ALS2: variants seen among roughly 807,000 people sequenced by gnomAD.
ALS2 encodes the protein alsin.
Under a neutral mutation model 203.4 loss-of-function variants are expected in ALS2, and 117 were observed. The observed-to-expected ratio is 0.58, with a 90% CI of 0.50 to 0.67. The LOEUF (loss-of-function observed/expected upper bound fraction) is 0.67, where lower values mean the gene tolerates loss of function less well. ALS2 is among the 30% of genes least tolerant of loss of function. The pLI, the probability that ALS2 is intolerant of heterozygous loss-of-function variation, is 0.00. For missense variants in ALS2, 1,715 were observed against 1,989.4 expected, an observed-to-expected ratio of 0.86 and a Z score of 2.62; for synonymous variants, 718 against 725.9, an observed-to-expected ratio of 0.99 and a Z score of 0.17.
intron 23 of ALS2, among the ~76,000 whole-genome samples, chr2:201,721,181 T>C (rs1434864299): frequency 6.6e-6 from 1 of 152,166 alleles, no homozygotes; most frequent in Non-Finnish European, 1.5e-5. Context: ...GTAAATAAAC[T>C]GTGAGGTGTT....
At chr2:201,775,011 C>T (rs1694591126) in intron 1 of ALS2, among the ~76,000 whole-genome samples, 1 of 152,162 alleles carries the variant, frequency 6.6e-6, no homozygotes, top group Admixed American at 6.5e-5. Flanking sequence ...ACTAGCAAAA[C>T]TGGGCCTTCC....
In ALS2 at chr2:201,768,891, AG is replaced by A. The variant is rs761978180; in HGVS notation, c.-7del. The A allele has an allele frequency of 6.2e-7, 1 of 1,613,470 alleles. No individual in the cohort carries two copies. Among genetic ancestry groups the A allele is most frequent in the Non-Finnish European group, 8.5e-7 (1 of 1,179,538 alleles). ...CTTCTCTTCTTTGAGTCCATCGGTC[AG>A]TGGGAACACTCCATCACCAAATCAT... On this transcript the variant is annotated 5_prime_UTR_variant, in exon 2 of 34. In the 5' UTR this introduces an upstream ATG that the reference lacks. Transcript: ENST00000264276.
At chr2:201,748,430 A>G (rs1204172108) in intron 8 of ALS2, among the ~76,000 whole-genome samples, 1 of 152,194 alleles carries the variant, frequency 6.6e-6, no homozygotes, top group Non-Finnish European at 1.5e-5. Context: ...GACTTCAAAA[A>G]TGTTTTTCTC....
chr2:201,705,289 G>C, intron 30 of ALS2, 89 bp from the exon 31 acceptor site: 1 of 1,473,020 alleles, frequency 6.8e-7, no homozygotes, highest in Non-Finnish European at 9.5e-7. Context: ...GCAGGTCTTT[G>C]GTAATAACAG....
chr2:201,729,318 A>G (rs1691397019), intron 13 of ALS2, 135 bp from the exon 14 acceptor site: 2 of 865,096 alleles, frequency 2.3e-6, no homozygotes, highest in African/African-American at 1.7e-5. Context: ...TAAGTAGCAC[A>G]CTGCAGGAGA....
intron 33 of ALS2, among the ~76,000 whole-genome samples, chr2:201,702,562 A>G (rs1689458329): frequency 6.6e-6 from 1 of 152,216 alleles, no homozygotes; most frequent in Non-Finnish European, 1.5e-5. Flanking sequence ...GGGAATAATA[A>G]TGACTTCACT....
intron 24 of ALS2, 49 bp downstream of exon 24, chr2:201,718,028 C>G: frequency 6.3e-7 from 1 of 1,595,566 alleles, no homozygotes; most frequent in Non-Finnish European, 8.6e-7. Context: ...AAAAGCAAGA[C>G]AACTCCAAAC....
intron 9 of ALS2, among the ~76,000 whole-genome samples, 154 bp downstream of exon 9, chr2:201,746,407 GAAGAT>G (rs1346803698): frequency 1.3e-5 from 2 of 152,214 alleles, no homozygotes; most frequent in Non-Finnish European, 2.9e-5. Context: ...TTTGGAGAGA[GAAGAT>G]AAGGAGTGAA....
intron 27 of ALS2, among the ~76,000 whole-genome samples, chr2:201,708,693 C>T (rs1365916881): frequency 6.6e-6 from 1 of 151,894 alleles, no homozygotes; most frequent in East Asian, 1.9e-4. Flanking sequence ...ATTTTTTTTC[C>T]TGGGCTTTGA....
intron 23 of ALS2, among the ~76,000 whole-genome samples, chr2:201,718,597 T>C (rs1161347169): frequency 6.6e-6 from 1 of 152,172 alleles, no homozygotes; most frequent in African/African-American, 2.4e-5. Flanking sequence ...AAGCACTAAA[T>C]GGTTGTTTTC....
At chr2:201,744,520 A>G (rs1243930639) in intron 9 of ALS2, 91 bp from the exon 10 acceptor site, 5 of 1,303,008 alleles carry the variant, frequency 3.8e-6, no homozygotes, top group Non-Finnish European at 5.4e-6. Context: ...AGCTGACAAG[A>G]GCTAACTGTT....
chr2:201,727,799 C>T (rs1302553689), intron 15 of ALS2, 24 bp from the exon 16 acceptor site: 1 of 1,550,388 alleles, frequency 6.4e-7, no homozygotes, highest in Admixed American at 2.0e-5. Context: ...CACGGAGGCA[C>T]TTTTATGAAA....
At chr2:201,716,442 G>T (rs1454594031) in intron 24 of ALS2, among the ~76,000 whole-genome samples, 1 of 151,634 alleles carries the variant, frequency 6.6e-6, no homozygotes, top group Non-Finnish European at 1.5e-5. Flanking sequence ...TACTTGGGAG[G>T]CTGGGGCAGG....
intron 7 of ALS2, among the ~76,000 whole-genome samples, chr2:201,751,336 C>A (rs1334704214): frequency 1.3e-5 from 2 of 152,158 alleles, no homozygotes; most frequent in African/African-American, 4.8e-5. Context: ...ACATTTTCTC[C>A]TACATCCTAA....
intron 1 of ALS2, chr2:201,780,055 T>G (rs1694825934): frequency 6.6e-6 from 1 of 152,214 alleles, no homozygotes; most frequent in African/African-American, 2.4e-5. Flanking sequence ...GATCTTCACT[T>G]GGGTACAGCA....
At chr2:201,708,585 T>C (rs1689865178) in intron 27 of ALS2, among the ~76,000 whole-genome samples, 1 of 152,158 alleles carries the variant, frequency 6.6e-6, no homozygotes, top group Non-Finnish European at 1.5e-5. Context: ...TCAGTGTCTA[T>C]TATTTCCCTC....
intron 5 of ALS2, among the ~76,000 whole-genome samples, chr2:201,755,676 C>T (rs946518279): frequency 3.3e-5 from 5 of 152,006 alleles, no homozygotes; most frequent in African/African-American, 1.2e-4. Context: ...ATTTCTGAGA[C>T]GGGAAAAAGA....
At position 201,760,977 on chromosome 2, in the gene ALS2, G is replaced by A. The variant is rs1160112065; in HGVS notation, c.1017C>T (p.Tyr339=). 12 of 1,614,198 alleles carry A rather than the reference G, an allele frequency of 7.4e-6. No homozygotes were observed. Among genetic ancestry groups the A allele is most frequent in the Non-Finnish European group, 1.0e-5 (12 of 1,180,030 alleles). The change falls in exon 4 of 34, where the codon TAC becomes TAT. Residue 339 remains tyrosine, a synonymous_variant. Coordinates refer to ENST00000264276, the MANE Select transcript of ALS2 (RefSeq NM_020919.4). ...ATTCATTGACTGCTTGGGTGTCAGGGTATGATGGTATGTTTCTGGCAGAGG... is the reference window on the plus strand; with the variant it reads ...ATTCATTGACTGCTTGGGTGTCAGGATATGATGGTATGTTTCTGGCAGAGG... ...EISSARNIPS[Y]PDTQAVNEYL...
chr2:201,740,038 A>C (rs977374463), intron 11 of ALS2, among the ~76,000 whole-genome samples: 1 of 152,134 alleles, frequency 6.6e-6, no homozygotes, highest in African/African-American at 2.4e-5. Context: ...ATTAAAAATA[A>C]TTTTCGCCAG....
Sources: gnomAD v4.1 joint callset for allele counts (sites outside exome capture counted in the v4.1 genomes callset) on GRCh38, gnomAD v4.1.1 for gene constraint, MANE v1.5 for transcripts, NCBI Gene and HGNC (gene_info 2026-07-23, HGNC 2026-07-21) for gene names.